Variants in RBFOX1 observed in about 807,000 individuals in gnomAD.
RBFOX1 encodes the protein RNA binding fox-1 homolog 1.
RBFOX1 carries 8 observed loss-of-function variants against 57.7 expected under a neutral mutation model. The observed-to-expected ratio is 0.14, with a 90% CI of 0.08 to 0.25. The LOEUF is 0.25. RBFOX1 is among the 10% of genes least tolerant of loss of function. The pLI is 1.00. For synonymous variants in RBFOX1, 326 were observed against 222.4 expected (o/e 1.47, Z -4.15); for missense variants, 611 against 548.5 (o/e 1.11, Z -1.14).
chr16:6,694,259 G>C (rs545819782), intron 3 of RBFOX1, among the ~76,000 whole-genome samples: 1 of 152,196 alleles, frequency 6.6e-6, no homozygotes, highest in Admixed American at 6.5e-5. Context: ...TGTTAAATTA[G>C]AGAGGAGGTT....
chr16:6,777,248 C>G (rs1423471018), intron 3 of RBFOX1, among the ~76,000 whole-genome samples: 3 of 152,102 alleles, frequency 2.0e-5, no homozygotes, highest in Admixed American at 6.5e-5. Context: ...GATTCTATCA[C>G]ATTATCTGGC....
At chr16:7,133,634 C>T (rs533796660) in intron 4 of RBFOX1, among the ~76,000 whole-genome samples, 2 of 152,060 alleles carry the variant, frequency 1.3e-5, no homozygotes, top group East Asian at 1.9e-4. Flanking sequence ...ATGAAAGTAA[C>T]CTTGTAGAGC....
intron 2 of RBFOX1, among the ~76,000 whole-genome samples, chr16:6,333,389 G>A (rs919600139): frequency 6.6e-6 from 1 of 152,122 alleles, no homozygotes. Context: ...GTTTAAAGCT[G>A]TTTTGTTCTT....
intron 1 of RBFOX1, among the ~76,000 whole-genome samples, chr16:5,371,269 G>A (rs1230604802): frequency 2.0e-5 from 3 of 152,316 alleles, no homozygotes; most frequent in South Asian, 2.1e-4. Context: ...TTCAAAGAGG[G>A]CATTAGGTTA....
rs566614174 is a variant in RBFOX1 at position 5,272,273 on chromosome 16, T to C, written c.219+32168T>C. On this transcript the variant is annotated intron_variant, in intron 1 of 2. Transcript: ENST00000585867. ...ATTAGGGGATGGACATGTTAATTAGTTTGATCTAATCATTCCACATTGTAT... is the reference window on the plus strand; with the variant it reads ...ATTAGGGGATGGACATGTTAATTAGCTTGATCTAATCATTCCACATTGTAT... Among the ~76,000 whole-genome samples, 5 of 152,346 alleles carry C rather than the reference T, an allele frequency of 3.3e-5. No individual in the cohort carries two copies. In the South Asian group the frequency reaches 6.2e-4, roughly 19 times the overall value.
chr16:6,252,191 G>A (rs7206191), intron 1 of RBFOX1, among the ~76,000 whole-genome samples: 8,711 of 151,850 alleles, frequency 0.057, 569 homozygotes, highest in African/African-American at 0.16. Flanking sequence ...CACCCATCCC[G>A]CAACTTGATA....
At chr16:6,781,395 G>A (rs989402926) in intron 3 of RBFOX1, among the ~76,000 whole-genome samples, 4 of 151,858 alleles carry the variant, frequency 2.6e-5, no homozygotes, top group East Asian at 1.9e-4. Context: ...TTCTTTTTTC[G>A]TTGTGTATTT....
intron 4 of RBFOX1, among the ~76,000 whole-genome samples, chr16:7,477,648 T>C (rs2063020675): frequency 6.6e-6 from 1 of 152,202 alleles, no homozygotes; most frequent in South Asian, 2.1e-4. Flanking sequence ...ACGATGGTAG[T>C]AACTACATGC....
rs537293692 is a variant in RBFOX1, at chr16:7,166,972, C to CTTTTTTTTT, written c.27+114901_27+114909dup. On this transcript the variant is annotated intron_variant, in intron 4 of 15. Transcript: ENST00000550418. ...AGCCCCAGATTGCTGCATTGGTGTT[C>CTTTTTTTTT]TTTTTTTTTTTTTTTTTTTTTTTTT... Among the ~76,000 whole-genome samples, 107 of 49,092 alleles carry CTTTTTTTTT rather than the reference C, an allele frequency of 2.2e-3. 7 individuals carry two copies. The highest frequency in any genetic ancestry group is 3.9e-3 in the African/African-American group (39 of 9,924). 32.2% of individuals were successfully genotyped at this position (49,092 alleles called of 152,430 possible). A position where few individuals can be genotyped will look rare whatever the true frequency, so the allele number is the denominator to read the frequency against.
chr16:5,501,920 G>A (rs192815690), intron 2 of RBFOX1, among the ~76,000 whole-genome samples: 1 of 151,954 alleles, frequency 6.6e-6, no homozygotes, highest in East Asian at 1.9e-4. Context: ...GATGGGTCTT[G>A]CTATGTTGCC....
chr16:7,169,674 G>C (rs567550509), intron 4 of RBFOX1, among the ~76,000 whole-genome samples: 6 of 152,262 alleles, frequency 3.9e-5, no homozygotes, highest in African/African-American at 1.4e-4. Flanking sequence ...TTTGGTGCAG[G>C]GTTTACTACT....
At chr16:5,416,672 T>C (rs766943685) in intron 1 of RBFOX1, among the ~76,000 whole-genome samples, 9 of 150,944 alleles carry the variant, frequency 6.0e-5, no homozygotes, top group Non-Finnish European at 1.2e-4. Context: ...TCCCTGTATG[T>C]AATGTGTCTT....
chr16:7,080,766 G>T (rs538800010), intron 4 of RBFOX1, among the ~76,000 whole-genome samples: 1 of 152,296 alleles, frequency 6.6e-6, no homozygotes, highest in African/African-American at 2.4e-5. Flanking sequence ...CCTCTTGCAA[G>T]GTATCATCAT....
At chr16:7,521,610 T>G (rs2077526156) in intron 5 of RBFOX1, among the ~76,000 whole-genome samples, 1 of 152,222 alleles carries the variant, frequency 6.6e-6, no homozygotes, top group Non-Finnish European at 1.5e-5. Context: ...CAAGCTCTCT[T>G]TCCTTGGAGA....
rs146726838 is a variant in RBFOX1 at position 5,569,967 on chromosome 16, C to G, written c.259-28935C>G. Among the ~76,000 whole-genome samples the G allele has an allele frequency of 5.1e-4, 78 of 152,244 alleles. 2 individuals carry two copies. The East Asian group carries it at 0.014, about 27-fold the overall frequency. ...TTAAAAACCCATAATGATGGGAACT[C>G]GGCATCTAACTAAAGATTTTCACAT... On this transcript the variant is annotated intron_variant, in intron 2 of 2. Coordinates refer to the RBFOX1 transcript ENST00000585867.
chr16:6,315,346 A>T (rs976404807), intron 1 of RBFOX1, among the ~76,000 whole-genome samples: 1 of 142,148 alleles, frequency 7.0e-6, no homozygotes, highest in Non-Finnish European at 1.6e-5. Context: ...GGGTGGACGG[A>T]TGGATGAATG....
intron 2 of RBFOX1, among the ~76,000 whole-genome samples, chr16:5,495,410 T>C (rs2042970536): frequency 6.6e-6 from 1 of 152,224 alleles, no homozygotes; most frequent in South Asian, 2.1e-4. Context: ...ACTGTCATGG[T>C]AACAGCAAGA....
chr16:7,541,807 A>G (rs957336274), intron 5 of RBFOX1, among the ~76,000 whole-genome samples: 17 of 152,224 alleles, frequency 1.1e-4, no homozygotes, highest in African/African-American at 3.6e-4. Context: ...CTGGCAAATG[A>G]TTTTGATGGG....
intron 1 of RBFOX1, among the ~76,000 whole-genome samples, chr16:6,174,770 A>G (rs2096990678): frequency 6.6e-6 from 1 of 152,162 alleles, no homozygotes; most frequent in African/African-American, 2.4e-5. Context: ...TGCATATGCT[A>G]GGATTTGTGC....
Sources: allele counts gnomAD v4.1 joint callset (sites outside exome capture counted in the v4.1 genomes callset), GRCh38; gene constraint gnomAD v4.1.1; transcripts MANE v1.5; gene names NCBI Gene and HGNC (gene_info 2026-07-23, HGNC 2026-07-21).